Variants in SDK1 observed in about 807,000 individuals in gnomAD.
SDK1 encodes the protein protein sidekick-1.
A neutral mutation model predicts 245.5 loss-of-function variants in SDK1; 157 were observed. That is an observed-to-expected ratio of 0.64 (90% CI 0.56 to 0.73). SDK1 has a LOEUF of 0.73. SDK1 is among the 30% of genes least tolerant of loss of function. The pLI is 0.00. For missense variants in SDK1, 3,583 were observed against 3,002.3 expected (o/e 1.19, Z -4.52); for synonymous variants, 1,647 against 1,278.5 (o/e 1.29, Z -6.15).
At chr7:3,798,676 A>G (rs1337126609) in intron 4 of SDK1, among the ~76,000 whole-genome samples, 1 of 152,178 alleles carries the variant, frequency 6.6e-6, no homozygotes, top group East Asian at 1.9e-4. Flanking sequence ...TCACTCGGCT[A>G]AGGCGGTGTC....
chr7:3,943,356 CTCCCCG>C, intron 5 of SDK1, among the ~76,000 whole-genome samples: 1 of 123,986 alleles, frequency 8.1e-6, no homozygotes, highest in African/African-American at 3.0e-5. Flanking sequence ...TGGCCTCTGC[CTCCCCG>C]TCCCCTCCCT....
At chr7:3,824,463 C>G (rs897663720) in intron 5 of SDK1, among the ~76,000 whole-genome samples, 7 of 152,122 alleles carry the variant, frequency 4.6e-5, no homozygotes, top group African/African-American at 1.4e-4. Flanking sequence ...AATTAAATTC[C>G]TGGTGGATTG....
Position 3,774,193 on chromosome 7 carries a change from C to T in SDK1, c.714-47257C>T, listed in dbSNP as rs765346566. On this transcript the variant is annotated intron_variant, in intron 4 of 44. Coordinates refer to ENST00000404826, the MANE Select transcript of SDK1 (RefSeq NM_152744.4). ...TAGCGCCACTGCACTCCAGCCTGGG[C>T]GACAGAGCGAGACTCCATCTCAAAA... Among the ~76,000 whole-genome samples, 46 of 138,696 alleles carry T rather than the reference C, an allele frequency of 3.3e-4. 1 individual carries two copies. The highest frequency in any genetic ancestry group is 5.3e-4 in the Non-Finnish European group (35 of 66,134). 91.0% of individuals were successfully genotyped at this position (138,696 alleles called of 152,430 possible). A position where few individuals can be genotyped will look rare whatever the true frequency, so the allele number is the denominator to read the frequency against.
Position 4,268,534 on chromosome 7 carries a change from C to T in SDK1, c.*3150C>T, listed in dbSNP as rs541592651. 502 of 1,259,120 alleles carry T rather than the reference C, an allele frequency of 4.0e-4. 1 individual carries two copies. The highest frequency in any genetic ancestry group is 7.8e-4 in the African/African-American group (51 of 65,332). The allele number at this position is 1,259,120 out of a possible 1,614,324, so 78.0% of individuals were successfully genotyped here. On this transcript the variant is annotated 3_prime_UTR_variant, in exon 45 of 45. Coordinates refer to ENST00000404826, the MANE Select transcript of SDK1 (RefSeq NM_152744.4). ...GACCCAGATGGCCACACACGGAACG[C>T]GCCTCCACAGCCCCGGGAGGTGGCT...
chr7:3,376,657 C>G (rs867934833), intron 1 of SDK1, among the ~76,000 whole-genome samples: 1 of 152,154 alleles, frequency 6.6e-6, no homozygotes, highest in South Asian at 2.1e-4. Context: ...TGGGTGGGGA[C>G]ACAGATTTGT....
At chr7:4,132,198 C>A in intron 27 of SDK1, 127 bp from the exon 28 acceptor site, 1 of 709,000 alleles carries the variant, frequency 1.4e-6, no homozygotes, top group Non-Finnish European at 2.4e-6. Context: ...TTAGGGGGTT[C>A]TAAACCCACG....
intron 34 of SDK1, 151 bp from the exon 35 acceptor site, chr7:4,178,334 C>T (rs1306769144): frequency 1.5e-6 from 1 of 679,558 alleles, no homozygotes. Flanking sequence ...GCCCCGGTCA[C>T]AGTGGATGCA....
intron 35 of SDK1, among the ~76,000 whole-genome samples, chr7:4,184,662 G>C (rs1289006822): frequency 6.6e-6 from 1 of 152,224 alleles, no homozygotes; most frequent in Non-Finnish European, 1.5e-5. Context: ...ATAATTTTTA[G>C]ATTTTTAGCT....
intron 19 of SDK1, among the ~76,000 whole-genome samples, chr7:4,067,531 C>G (rs1027793615): frequency 2.6e-5 from 4 of 152,190 alleles, no homozygotes; most frequent in African/African-American, 7.2e-5. Context: ...AGAATCCAGC[C>G]AGCCTGATTG....
intron 22 of SDK1, among the ~76,000 whole-genome samples, chr7:4,097,269 G>GGAA (rs11269301): frequency 0.3 from 45,247 of 151,624 alleles, 7,997 homozygotes; most frequent in African/African-American, 0.5. Context: ...GCTCCTGTAC[G>GGAA]GCCAGGGGCT....
chr7:3,511,079 G>C lies in SDK1; in HGVS notation c.299-108001G>C, dbSNP rs1054656257. Among the ~76,000 whole-genome samples the C allele has an allele frequency of 5.9e-5, 9 of 152,276 alleles. No individual in the cohort carries two copies. The East Asian group carries it at 1.7e-3, about 29-fold the overall frequency. On this transcript the variant is annotated intron_variant, in intron 1 of 44. Coordinates refer to ENST00000404826, the MANE Select transcript of SDK1 (RefSeq NM_152744.4). ...TGGTGACAGTGGCTTGGGCCAGGGTGGCAGGGGCATCTTTGAGAGTAGAGC... is the reference window on the plus strand; with the variant it reads ...TGGTGACAGTGGCTTGGGCCAGGGTCGCAGGGGCATCTTTGAGAGTAGAGC...
chr7:4,113,476 G>A, intron 24 of SDK1, 37 bp downstream of exon 24: 1 of 1,608,492 alleles, frequency 6.2e-7, no homozygotes, highest in Non-Finnish European at 8.5e-7. Context: ...GAGGCACACG[G>A]GTCCTGAGTG....
chr7:3,507,305 A>G (rs568799157), intron 1 of SDK1, among the ~76,000 whole-genome samples: 5 of 152,336 alleles, frequency 3.3e-5, no homozygotes, highest in Non-Finnish European at 5.9e-5. Context: ...GGGGACCTGT[A>G]TGCGGATTTC....
intron 14 of SDK1, among the ~76,000 whole-genome samples, chr7:3,993,098 G>A (rs890518429): frequency 3.3e-5 from 5 of 152,242 alleles, no homozygotes; most frequent in African/African-American, 4.8e-5. Context: ...CATTAGAGCC[G>A]TTATTTTACC....
chr7:4,066,503 C>G (rs1427402780), intron 19 of SDK1, among the ~76,000 whole-genome samples: 1 of 152,212 alleles, frequency 6.6e-6, no homozygotes, highest in African/African-American at 2.4e-5. Flanking sequence ...GCTCCTCATG[C>G]CTTGCACAGC....
chr7:3,510,079 C>G (rs965400103), intron 1 of SDK1, among the ~76,000 whole-genome samples: 2 of 152,290 alleles, frequency 1.3e-5, no homozygotes, highest in Admixed American at 6.5e-5. Flanking sequence ...CTCCCTTATT[C>G]TCTTGTTCCT....
intron 1 of SDK1, among the ~76,000 whole-genome samples, chr7:3,324,602 C>G (rs1055843938): frequency 1.3e-5 from 2 of 152,172 alleles, no homozygotes; most frequent in African/African-American, 4.8e-5. Flanking sequence ...AGGAAATACA[C>G]TCCCATTGTA....
intron 42 of SDK1, among the ~76,000 whole-genome samples, chr7:4,239,583 C>G (rs1052986413): frequency 2.0e-5 from 3 of 152,148 alleles, no homozygotes; most frequent in African/African-American, 7.2e-5. Context: ...AGGCTGGTCT[C>G]GAACTCCAGG....
At chr7:3,305,136 C>G (rs113785386) in intron 1 of SDK1, among the ~76,000 whole-genome samples, 68 of 152,316 alleles carry the variant, frequency 4.5e-4, no homozygotes, top group Non-Finnish European at 8.4e-4. Flanking sequence ...ACAGAGTACA[C>G]TAGCTTTTCA....
Sources: gnomAD v4.1 joint callset for allele counts (sites outside exome capture counted in the v4.1 genomes callset) on GRCh38, gnomAD v4.1.1 for gene constraint, MANE v1.5 for transcripts, NCBI Gene and HGNC (gene_info 2026-07-23, HGNC 2026-07-21) for gene names.